The following CFAP58 variants were observed in gnomAD, a reference collection of about 807,000 sequenced individuals.
CFAP58 encodes cilia and flagella associated protein 58.
A neutral mutation model predicts 119.5 loss-of-function variants in CFAP58; 88 were observed. That is an observed-to-expected ratio of 0.74 (90% CI 0.62 to 0.88). The LOEUF (loss-of-function observed/expected upper bound fraction) is 0.88. Ranked by LOEUF, CFAP58 falls within the 40% of genes least tolerant of loss-of-function variation. CFAP58 has a pLI of 0.00. For missense variants in CFAP58, 990 were observed against 1,021.2 expected, an observed-to-expected ratio of 0.97 and a Z score of 0.42; for synonymous variants, 365 against 366.3, an observed-to-expected ratio of 1.00 and a Z score of 0.04.
intron 13 of CFAP58, among the ~76,000 whole-genome samples, chr10:104,402,253 G>C (rs1280773053): frequency 6.6e-6 from 1 of 152,186 alleles, no homozygotes; most frequent in Non-Finnish European, 1.5e-5. Context: ...GTACAAAGCA[G>C]GCCGTCAAAT....
At chr10:104,453,883 C>T (rs2013235084) in intron 17 of CFAP58, among the ~76,000 whole-genome samples, 1 of 151,672 alleles carries the variant, frequency 6.6e-6, no homozygotes, top group Non-Finnish European at 1.5e-5. Flanking sequence ...ATTTATCTTC[C>T]CCAGCTTTTC....
At chr10:104,440,763 G>A (rs1248543391) in intron 15 of CFAP58, among the ~76,000 whole-genome samples, 1 of 152,038 alleles carries the variant, frequency 6.6e-6, no homozygotes, top group Admixed American at 6.5e-5. Context: ...CTTTGATAGT[G>A]AAGACCTTTT....
chr10:104,430,837 C>T (rs1361666874), intron 15 of CFAP58, among the ~76,000 whole-genome samples: 1 of 152,132 alleles, frequency 6.6e-6, no homozygotes, highest in Non-Finnish European at 1.5e-5. Flanking sequence ...CATTGTTTAG[C>T]ACAGTTTATG....
intron 15 of CFAP58, among the ~76,000 whole-genome samples, chr10:104,432,541 T>C (rs909240257): frequency 1.3e-5 from 2 of 152,006 alleles, no homozygotes; most frequent in Non-Finnish European, 2.9e-5. Flanking sequence ...TCTCGCTCTG[T>C]CACCAGGCTA....
At chr10:104,445,322 CAA>C (rs762588303) in intron 15 of CFAP58, among the ~76,000 whole-genome samples, 5 of 110,348 alleles carry the variant, frequency 4.5e-5, no homozygotes, top group African/African-American at 7.2e-5. Context: ...GACCCGGTCT[CAA>C]AAAAAAAAAA....
In CFAP58 at chr10:104,360,693, C is replaced by G. The variant is rs139363677; in HGVS notation, c.292-1330C>G. 8.3e-4 allele frequency among the ~76,000 whole-genome samples: 126 copies of G among 152,202 alleles called. 1 individual carries two copies. The highest frequency in any genetic ancestry group is 2.8e-3 in the African/African-American group (117 of 41,528). ...ATTCCCCTCTATGTGTCCATGTGTT[C>G]TCATCATTTAGCTCCCATTTATAAG... On this transcript the variant is annotated intron_variant, in intron 2 of 17. Transcript: ENST00000369704.
chr10:104,453,377 G>C (rs1175038093), intron 17 of CFAP58, among the ~76,000 whole-genome samples: 2 of 152,182 alleles, frequency 1.3e-5, no homozygotes, highest in Admixed American at 1.3e-4. Context: ...GAATAATTTA[G>C]AATAATCTCT....
At chr10:104,361,810 C>T (rs1018538742) in intron 2 of CFAP58, among the ~76,000 whole-genome samples, 4 of 152,198 alleles carry the variant, frequency 2.6e-5, no homozygotes, top group East Asian at 3.9e-4. Context: ...CTCGGCCTCC[C>T]GAGTAGCTGA....
rs1385305162 is a variant in CFAP58, at chr10:104,399,247, A to C, written c.1675-113A>C. 2.7e-6 allele frequency: 3 copies of C among 1,117,432 alleles called. No individual in the cohort carries two copies. In the Admixed American group the frequency reaches 7.7e-5, roughly 29 times the overall value. 69.2% of individuals were successfully genotyped at this position (1,117,432 alleles called of 1,614,324 possible). A position where few individuals can be genotyped will look rare whatever the true frequency, so the allele number is the denominator to read the frequency against. ...GAGAGTGATCAAACTGTGTTAAATG[A>C]AACATCAGAGGAAAGAGTAAGAAGC... On this transcript the variant is annotated intron_variant, in intron 11 of 17. Transcript: ENST00000369704.
In CFAP58 at chr10:104,370,894, G is replaced by T; in HGVS notation, c.931-1G>T. 6.2e-7 allele frequency: 1 copy of T among 1,610,210 alleles called. No individual in the cohort carries two copies. The highest frequency in any genetic ancestry group is 8.5e-7 in the Non-Finnish European group (1 of 1,178,870). On this transcript the variant is annotated splice_acceptor_variant, in intron 6 of 17. Transcript: ENST00000369704. LOFTEE classifies it high-confidence loss of function. ...CATTAATTCTTTCTCACTAATTACA[G>T]GCCAAAGAGGAAGAAGTCCATCAAA... is the stretch of plus-strand genomic sequence containing the variant.
chr10:104,411,761 T>C (rs1589926752), intron 15 of CFAP58, among the ~76,000 whole-genome samples: 2 of 106,396 alleles, frequency 1.9e-5, no homozygotes, highest in African/African-American at 5.9e-5. Flanking sequence ...GGGAAGCAAC[T>C]TTTTTTTTTT....
chr10:104,398,275 T>A (rs1345893412), intron 11 of CFAP58, among the ~76,000 whole-genome samples: 1 of 152,256 alleles, frequency 6.6e-6, no homozygotes, highest in Non-Finnish European at 1.5e-5. Context: ...GCTTATCTTC[T>A]ATATTTAATT....
upstream of CFAP58, among the ~76,000 whole-genome samples, chr10:104,352,315 C>G (rs1249166474): frequency 3.9e-5 from 6 of 152,142 alleles, no homozygotes; most frequent in Non-Finnish European, 7.4e-5. Flanking sequence ...TCTTAAAGTG[C>G]TTGGTAAGTA....
At chr10:104,390,532 C>A (rs2012012724) in intron 9 of CFAP58, among the ~76,000 whole-genome samples, 1 of 152,068 alleles carries the variant, frequency 6.6e-6, no homozygotes, top group African/African-American at 2.4e-5. Context: ...AATAATAGTA[C>A]ATATCTTAGA....
At chr10:104,400,972 G>A in intron 13 of CFAP58, 69 bp downstream of exon 13, 3 of 1,117,352 alleles carry the variant, frequency 2.7e-6, no homozygotes, top group East Asian at 2.4e-5. Context: ...TCACTTCGTA[G>A]TCATGCTTGT....
chr10:104,406,789 T>A lies in CFAP58; in HGVS notation c.2252T>A (p.Leu751His). The part of the protein sequence containing the change: ...TEEVVEKELL[L>H]QEKEKLYMEL... ...GAGGTGGTTGAAAAAGAGCTGCTCC[T>A]CCAGGTAGCATTTTTGTTTTCTGTA... is the stretch of plus-strand genomic sequence containing the variant. The change falls in exon 15 of 18, where the codon CTC (leucine) becomes CAC (histidine). Residue 751 changes from leucine to histidine, a missense_variant. Leu to His is a moderately conservative substitution (Grantham distance 99). Coordinates refer to ENST00000369704, the MANE Select transcript of CFAP58 (RefSeq NM_001008723.2). 6 of 1,613,760 alleles carry A rather than the reference T, an allele frequency of 3.7e-6. No individual in the cohort carries two copies. Among genetic ancestry groups the A allele is most frequent in the Non-Finnish European group, 5.1e-6 (6 of 1,179,648 alleles).
intron 15 of CFAP58, among the ~76,000 whole-genome samples, chr10:104,407,967 A>T (rs2012393001): frequency 1.3e-5 from 2 of 152,236 alleles, no homozygotes; most frequent in Admixed American, 1.3e-4. Context: ...AAGTGCTGGG[A>T]TTACAGGCGT....
At chr10:104,349,014 C>T (rs941146373), upstream of CFAP58, among the ~76,000 whole-genome samples, 12 of 152,034 alleles carry the variant, frequency 7.9e-5, no homozygotes, top group South Asian at 2.1e-4. Flanking sequence ...TGGGAGGCCA[C>T]GGCAGAAGGA....
chr10:104,371,048 G>A lies in CFAP58; in HGVS notation c.1084G>A (p.Glu362Lys). ...ETLKNQIVGL[E>K]REVEASKKQA... ...CCTAAAAAATCAGATTGTGGGATTA[G>A]AGAGAGGTAAACCATTTTGCGCTTT... The change falls in exon 7 of 18, where the codon GAG becomes AAG. Residue 362 changes from glutamate to lysine, a missense_variant. Coordinates refer to ENST00000369704, the MANE Select transcript of CFAP58 (RefSeq NM_001008723.2). 2.5e-6 allele frequency: 4 copies of A among 1,604,442 alleles called. No homozygotes were observed. The highest frequency in any genetic ancestry group is 3.4e-6 in the Non-Finnish European group (4 of 1,177,436).
Sources: gnomAD v4.1 joint callset for allele counts (sites outside exome capture counted in the v4.1 genomes callset) on GRCh38, gnomAD v4.1.1 for gene constraint, MANE v1.5 for transcripts, NCBI Gene and HGNC (gene_info 2026-07-23, HGNC 2026-07-21) for gene names.